The following ARHGEF11 variants were observed in gnomAD, a reference collection of about 807,000 sequenced individuals.
ARHGEF11 encodes Rho guanine exchange factor (GEF) 11.
ARHGEF11 carries 55 observed loss-of-function variants against 193.7 expected under a neutral mutation model. That is an observed-to-expected ratio of 0.28 (90% CI 0.23 to 0.36). The LOEUF is 0.36. Ranked by LOEUF, ARHGEF11 falls within the 10% of genes least tolerant of loss-of-function variation. The pLI is 1.00. For missense variants in ARHGEF11, 1,723 were observed against 2,005.6 expected (o/e 0.86, Z 2.69); for synonymous variants, 693 against 768.0 (o/e 0.90, Z 1.62).
chr1:156,938,804 C>A (rs923332671), intron 37 of ARHGEF11: 2 of 419,016 alleles, frequency 4.8e-6, no homozygotes, highest in Non-Finnish European at 8.5e-6. Flanking sequence ...AGAGTGGAAT[C>A]CCAGGGGAGG....
At chr1:156,942,132 C>T in intron 33 of ARHGEF11, 143 bp from the exon 34 acceptor site, 1 of 1,171,232 alleles carries the variant, frequency 8.5e-7, no homozygotes, top group Non-Finnish European at 1.2e-6. Context: ...TACAGTCCTC[C>T]CTGGCTGCTC....
At chr1:156,989,740 A>C (rs574911249) in intron 1 of ARHGEF11, among the ~76,000 whole-genome samples, 1 of 152,308 alleles carries the variant, frequency 6.6e-6, no homozygotes, top group South Asian at 2.1e-4. Context: ...CACACATTTC[A>C]TTTACCCCAA....
intron 13 of ARHGEF11, among the ~76,000 whole-genome samples, 173 bp from the exon 14 acceptor site, chr1:156,961,948 A>C (rs1413682687): frequency 6.6e-6 from 1 of 152,202 alleles, no homozygotes. Flanking sequence ...ATATTTCCCC[A>C]AAGGCACAGA....
In ARHGEF11 at chr1:156,936,058, C is replaced by T. The variant is rs1654995388; in HGVS notation, c.4631G>A (p.Gly1544Asp). Residue 1544 changes from glycine (G) to aspartate (D), a missense_variant and splice_region_variant, in exon 41 of 41, where the codon GGC (glycine) becomes GAC (aspartate). Gly to Asp is a moderately conservative substitution (Grantham distance 94). Around this residue, in one of 5 missense-constraint regions of ARHGEF11, gnomAD observed 360 missense variants for 344.4 expected, o/e 1.05. Coordinates refer to ENST00000368194, the MANE Select transcript of ARHGEF11 (RefSeq NM_198236.3). ...SHELGPCPED[G>D]SDAPLEDSTA... ...GCTGTCTTCCAGGGGGGCGTCAGAGCCTGTGGGAGGAGGATGAAGGTGAGG... is the reference window on the plus strand; with the variant it reads ...GCTGTCTTCCAGGGGGGCGTCAGAGTCTGTGGGAGGAGGATGAAGGTGAGG... The T allele has an allele frequency of 6.2e-7, 1 of 1,613,800 alleles. No individual in the cohort carries two copies. Among genetic ancestry groups the T allele is most frequent in the African/African-American group, 1.3e-5 (1 of 74,872 alleles).
chr1:156,983,988 G>A (rs986255581), intron 3 of ARHGEF11, among the ~76,000 whole-genome samples: 3 of 152,194 alleles, frequency 2.0e-5, no homozygotes, highest in Non-Finnish European at 4.4e-5. Context: ...ACTTAGCCAG[G>A]TAATGTGGAG....
At chr1:156,985,940 A>T (rs546342893) in intron 2 of ARHGEF11, 142 bp downstream of exon 2, 20 of 650,652 alleles carry the variant, frequency 3.1e-5, no homozygotes, top group Non-Finnish European at 5.1e-5. Context: ...AACTTAGTAC[A>T]GACACCTGAC....
chr1:156,941,884 C>T lies in ARHGEF11; in HGVS notation c.3432G>A (p.Gln1144=). ...PPPPGPREPA[Q]QGPTPSRVEL... The stretch of plus-strand genomic sequence containing the variant: ...TGCACCTGCTGGGTGTGGGGCCCTG[C>T]TGGGCTGGCTCCCGGGGACCTGGGG... The change falls in exon 34 of 41, where the codon CAG becomes CAA. Residue 1144 remains glutamine (Q), a synonymous_variant. Coordinates refer to ENST00000368194, the MANE Select transcript of ARHGEF11 (RefSeq NM_198236.3). 1 of 1,612,014 alleles carries T rather than the reference C, an allele frequency of 6.2e-7. No homozygotes were observed. The highest frequency in any genetic ancestry group is 1.1e-5 in the South Asian group (1 of 90,680).
rs2101814881 is a variant in ARHGEF11 at position 156,940,253 on chromosome 1, T to G, written c.3687A>C (p.Pro1229=). 6.2e-7 allele frequency: 1 copy of G among 1,609,496 alleles called. No individual in the cohort carries two copies. The highest frequency in any genetic ancestry group is 2.2e-5 in the East Asian group (1 of 44,716). ...RTRNPIHLAF[P]GPLFMEGLAD... ...CGAGCCCTTCCATGAACAGAGGGCCTGGGAAGGCCAAGTGGATGGGGTTCC... is the reference window on the plus strand; with the variant it reads ...CGAGCCCTTCCATGAACAGAGGGCCGGGGAAGGCCAAGTGGATGGGGTTCC... The change falls in exon 36 of 41, where the codon CCA becomes CCC. Residue 1229 remains proline, a synonymous_variant. Coordinates refer to ENST00000368194, the MANE Select transcript of ARHGEF11 (RefSeq NM_198236.3).
intron 7 of ARHGEF11, among the ~76,000 whole-genome samples, chr1:156,973,226 C>A (rs1327648937): frequency 6.6e-6 from 1 of 152,212 alleles, no homozygotes; most frequent in African/African-American, 2.4e-5. Flanking sequence ...CCATGCCCAG[C>A]CCACAGCCAA....
intron 1 of ARHGEF11, among the ~76,000 whole-genome samples, chr1:157,003,041 C>T (rs1331773685): frequency 1.3e-5 from 2 of 152,240 alleles, no homozygotes; most frequent in African/African-American, 4.8e-5. Context: ...GGGCCTGGCA[C>T]TCAGTAAGAA....
At chr1:156,976,864 T>G in intron 7 of ARHGEF11, 119 bp downstream of exon 7, 1 of 894,650 alleles carries the variant, frequency 1.1e-6, no homozygotes, top group Non-Finnish European at 1.8e-6. Flanking sequence ...TTTTATTTTT[T>G]GAGGTTTTAC....
In ARHGEF11 at chr1:156,936,062, TGGGA is replaced by T; in HGVS notation, c.4631-8_4631-5del. On this transcript the variant is annotated splice_region_variant and splice_polypyrimidine_tract_variant and intron_variant, in intron 40 of 40. Coordinates refer to ENST00000368194, the MANE Select transcript of ARHGEF11 (RefSeq NM_198236.3). ...TCTTCCAGGGGGGCGTCAGAGCCTG[TGGGA>T]GGAGGATGAAGGTGAGGAACTGGCC... 1.9e-6 allele frequency: 3 copies of T among 1,614,020 alleles called. No homozygotes were observed. Among genetic ancestry groups the T allele is most frequent in the Non-Finnish European group, 2.5e-6 (3 of 1,179,936 alleles).
chr1:156,983,974 G>C (rs1311544663), intron 3 of ARHGEF11, among the ~76,000 whole-genome samples: 1 of 152,222 alleles, frequency 6.6e-6, no homozygotes, highest in Non-Finnish European at 1.5e-5. Flanking sequence ...GTGACCATCT[G>C]TGCACTTAGC....
intron 20 of ARHGEF11, 65 bp downstream of exon 20, chr1:156,955,638 G>C: frequency 7.8e-7 from 1 of 1,278,196 alleles, no homozygotes; most frequent in South Asian, 1.2e-5. Flanking sequence ...CAACATACTG[G>C]TACATGAAAG....
intron 21 of ARHGEF11, among the ~76,000 whole-genome samples, chr1:156,953,174 T>C (rs1659375843): frequency 6.6e-6 from 1 of 152,328 alleles, no homozygotes; most frequent in Admixed American, 6.5e-5. Flanking sequence ...AGGCACACAA[T>C]GCCTCATGCT....
chr1:156,969,324 A>G lies in ARHGEF11; in HGVS notation c.783T>C (p.Ser261=). ...RLSLDSQEGD[S]GLDSGTERFP... is the part of the protein sequence containing the mutation. The stretch of plus-strand genomic sequence containing the variant: ...AGCGTTCTGTCCCAGAGTCCAAGCC[A>G]CTGTCCCCCTCCTGGGAATCCAGAG... Residue 261 remains serine (S), a synonymous_variant, in exon 10 of 41, where the codon AGT becomes AGC. Transcript: ENST00000368194. The G allele has an allele frequency of 6.2e-7, 1 of 1,609,164 alleles. No homozygotes were observed. The highest frequency in any genetic ancestry group is 2.2e-5 in the East Asian group (1 of 44,838).
At chr1:157,017,670 G>A (rs1426698828) in intron 1 of ARHGEF11, among the ~76,000 whole-genome samples, 1 of 137,572 alleles carries the variant, frequency 7.3e-6, no homozygotes, top group Non-Finnish European at 1.5e-5. Context: ...CCGCGCCACT[G>A]TGCTCCAGCC....
intron 1 of ARHGEF11, among the ~76,000 whole-genome samples, chr1:156,987,695 T>C (rs1019301417): frequency 2.0e-5 from 3 of 152,188 alleles, no homozygotes; most frequent in Non-Finnish European, 2.9e-5. Context: ...CCCCTCACAA[T>C]GGCACCCCTC....
intron 21 of ARHGEF11, among the ~76,000 whole-genome samples, chr1:156,953,046 T>C (rs753686524): frequency 2.0e-5 from 3 of 152,260 alleles, no homozygotes; most frequent in Non-Finnish European, 4.4e-5. Context: ...GATAGAGTTA[T>C]ACCTTAGCTG....
Sources: gnomAD v4.1 joint callset for allele counts (sites outside exome capture counted in the v4.1 genomes callset) on GRCh38, gnomAD v4.1.1 for gene constraint, gnomAD v4.1.1 regional missense constraint, MANE v1.5 for transcripts, NCBI Gene and HGNC (gene_info 2026-07-23, HGNC 2026-07-21) for gene names.